The following OSBP2 variants were observed in gnomAD, a reference collection of about 807,000 sequenced individuals.
OSBP2 encodes oxysterol-binding protein 2.
A neutral mutation model predicts 96.0 loss-of-function variants in OSBP2; 66 were observed. The observed-to-expected ratio is 0.69, with a 90% CI of 0.56 to 0.84. OSBP2 has a LOEUF of 0.84. OSBP2 is among the 40% of genes least tolerant of loss of function. OSBP2 has a pLI of 0.00. For missense variants in OSBP2, 1,038 were observed against 1,222.7 expected (o/e 0.85, Z 2.25); for synonymous variants, 525 against 520.9 (o/e 1.01, Z -0.11).
At chr22:30,851,149 C>T (rs867764951) in intron 2 of OSBP2, among the ~76,000 whole-genome samples, 2 of 152,112 alleles carry the variant, frequency 1.3e-5, no homozygotes, top group South Asian at 2.1e-4. Flanking sequence ...GCAACTTCCT[C>T]CTCCCAGGTT....
chr22:30,753,726 TC>T (rs755011717), intron 2 of OSBP2, among the ~76,000 whole-genome samples: 1 of 152,174 alleles, frequency 6.6e-6, no homozygotes, highest in African/African-American at 2.4e-5. Flanking sequence ...GTTATTTGGC[TC>T]CCTCTGAAAA....
At chr22:30,823,882 T>C (rs136223) in intron 2 of OSBP2, among the ~76,000 whole-genome samples, 100,573 of 152,224 alleles carry the variant, frequency 0.66, 35,058 homozygotes, top group African/African-American at 0.9. Flanking sequence ...ATTTCTAAAG[T>C]AGTTATGTTC....
chr22:30,847,454 G>A (rs1218247803), intron 2 of OSBP2, among the ~76,000 whole-genome samples: 1 of 151,786 alleles, frequency 6.6e-6, no homozygotes, highest in Non-Finnish European at 1.5e-5. Flanking sequence ...GCTAATTTTT[G>A]TATTTTTTGT....
intron 1 of OSBP2, among the ~76,000 whole-genome samples, chr22:30,735,847 C>T (rs5997750): frequency 0.038 from 5,765 of 152,010 alleles, 181 homozygotes; most frequent in African/African-American, 0.081. Flanking sequence ...CTCAGCCTCC[C>T]GAGTAGCTGG....
intron 2 of OSBP2, among the ~76,000 whole-genome samples, chr22:30,840,639 G>A (rs1208952148): frequency 6.6e-6 from 1 of 152,204 alleles, no homozygotes; most frequent in Non-Finnish European, 1.5e-5. Context: ...AATAAGGCAA[G>A]AAGTGAAAGA....
At chr22:30,901,548 A>ATT (rs938708067) in intron 12 of OSBP2, among the ~76,000 whole-genome samples, 1 of 152,128 alleles carries the variant, frequency 6.6e-6, no homozygotes, top group Non-Finnish European at 1.5e-5. Context: ...AAAGTTGTAA[A>ATT]TTGGTACAAC....
intron 2 of OSBP2, among the ~76,000 whole-genome samples, chr22:30,795,669 G>A (rs530006575): frequency 8.3e-4 from 126 of 151,926 alleles, no homozygotes; most frequent in Non-Finnish European, 9.4e-4. Flanking sequence ...ACAGGCATGC[G>A]CCACCACGCC....
chr22:30,730,797 TA>T (rs1402719487), intron 1 of OSBP2, among the ~76,000 whole-genome samples: 1,273 of 56,014 alleles, frequency 0.023, 162 homozygotes, highest in South Asian at 0.044. Context: ...TATATATATA[TA>T]TATATATATA....
chr22:30,902,648 A>C, intron 12 of OSBP2: 1 of 609,730 alleles, frequency 1.6e-6, no homozygotes, highest in Non-Finnish European at 3.1e-6. Flanking sequence ...AGAGGAGGGA[A>C]GAGCACAAAG....
At chr22:30,719,683 G>T (rs1218402971) in intron 1 of OSBP2, among the ~76,000 whole-genome samples, 4 of 151,560 alleles carry the variant, frequency 2.6e-5, no homozygotes, top group Non-Finnish European at 5.9e-5. Context: ...GAACCAAGGA[G>T]GCAGAGGTTG....
At position 30,889,214 on chromosome 22, in the gene OSBP2, G is replaced by T. The variant is rs1033853388; in HGVS notation, c.1456G>T (p.Asp486Tyr). Reference sequence around the variant, plus strand: ...AGGTAGCACCGGGACAAGTTCCGTGGACTGGAGCTCAGCAGACAATGTAAG... The same window carrying T: ...AGGTAGCACCGGGACAAGTTCCGTGTACTGGAGCTCAGCAGACAATGTAAG... ...AEGSTGTSSVDWSSADNVLDG... is the reference protein window; with the variant it reads ...AEGSTGTSSVYWSSADNVLDG... The change falls in exon 6 of 14, where the codon GAC becomes TAC. Residue 486 changes from aspartate (D) to tyrosine (Y), a missense_variant. Around this residue, in one of 3 missense-constraint regions of OSBP2, gnomAD observed 737 missense variants for 913.3 expected, o/e 0.81. Transcript: ENST00000332585. The T allele has an allele frequency of 3.1e-6, 5 of 1,613,504 alleles. No homozygotes were observed. Among genetic ancestry groups the T allele is most frequent in the Admixed American group, 1.7e-5 (1 of 59,978 alleles).
rs2039916906 is a variant in OSBP2 at position 30,890,339 on chromosome 22, A to G, written c.1624-389A>G. Among the ~76,000 whole-genome samples the G allele has an allele frequency of 1.3e-5, 2 of 151,806 alleles. No individual in the cohort carries two copies. The highest frequency in any genetic ancestry group is 4.8e-5 in the African/African-American group (2 of 41,298). ...GCCGGGCCCCATCACAGCTCGCAAC[A>G]TGGGGAAGACCCACTTCCTCCACCC... On this transcript the variant is annotated intron_variant, in intron 7 of 13. Coordinates refer to ENST00000332585, the MANE Select transcript of OSBP2 (RefSeq NM_030758.4). This position sits in a 1 kb window ranked among gnomAD's most constrained non-coding sequence, Gnocchi z 4.4.
chr22:30,889,217 T>C lies in OSBP2; in HGVS notation c.1459T>C (p.Trp487Arg), dbSNP rs760647066. Residue 487 changes from tryptophan to arginine, a missense_variant, in exon 6 of 14, where the codon TGG becomes CGG. Around this residue, in one of 3 missense-constraint regions of OSBP2, gnomAD observed 737 missense variants for 913.3 expected, o/e 0.81. Transcript: ENST00000332585. Reference protein sequence around the residue: ...EGSTGTSSVDWSSADNVLDGA... With the variant: ...EGSTGTSSVDRSSADNVLDGA... ...TAGCACCGGGACAAGTTCCGTGGAC[T>C]GGAGCTCAGCAGACAATGTAAGTGA... 6.2e-6 allele frequency: 10 copies of C among 1,612,736 alleles called. No homozygotes were observed. The highest frequency in any genetic ancestry group is 4.2e-6 in the Non-Finnish European group (5 of 1,179,750).
chr22:30,781,181 C>T (rs1457692918), intron 2 of OSBP2, among the ~76,000 whole-genome samples: 1 of 149,966 alleles, frequency 6.7e-6, no homozygotes, highest in South Asian at 2.1e-4. Context: ...GGGGTTTCAC[C>T]ATGTTGTGCA....
chr22:30,803,969 G>T (rs1427779969), intron 2 of OSBP2, among the ~76,000 whole-genome samples: 1 of 152,194 alleles, frequency 6.6e-6, no homozygotes, highest in Non-Finnish European at 1.5e-5. Flanking sequence ...GGAGCTCTGG[G>T]CTTCCTCAGC....
intron 2 of OSBP2, among the ~76,000 whole-genome samples, chr22:30,772,120 G>A (rs1006635740): frequency 6.6e-6 from 1 of 152,194 alleles, no homozygotes; most frequent in African/African-American, 2.4e-5. Flanking sequence ...TGACCTTGCA[G>A]GCTGGAGTTG....
chr22:30,865,331 C>G (rs1012890316), intron 2 of OSBP2, among the ~76,000 whole-genome samples: 4 of 152,090 alleles, frequency 2.6e-5, no homozygotes, highest in East Asian at 3.9e-4. Flanking sequence ...GAAGTAAACT[C>G]AAGACAGTTA....
chr22:30,822,721 C>T lies in OSBP2; in HGVS notation c.854-47708C>T, dbSNP rs560290194. ...TAAATTTAAGAAGGGTTAGTGCTTG[C>T]CGGGCTTCCACCCGGAGGGAGGCCA... is the stretch of plus-strand genomic sequence containing the variant. On this transcript the variant is annotated intron_variant, in intron 2 of 13. Transcript: ENST00000332585. The T allele has an allele frequency of 3.1e-3, 4,653 of 1,519,190 alleles. 17 individuals are homozygous for T. Among genetic ancestry groups the T allele is most frequent in the Non-Finnish European group, 3.9e-3 (4,374 of 1,136,100 alleles). The allele number at this position is 1,519,190 out of a possible 1,614,324, so 94.1% of individuals were successfully genotyped here. A position where few individuals can be genotyped will look rare whatever the true frequency, so the allele number is the denominator to read the frequency against.
intron 2 of OSBP2, among the ~76,000 whole-genome samples, chr22:30,859,806 A>G (rs1301627001): frequency 6.6e-6 from 1 of 152,266 alleles, no homozygotes; most frequent in Non-Finnish European, 1.5e-5. Flanking sequence ...AATGTGGAAC[A>G]AAGGAAAGTT....
Sources: gnomAD v4.1 joint callset for allele counts (sites outside exome capture counted in the v4.1 genomes callset) on GRCh38, gnomAD v4.1.1 for gene constraint, gnomAD v4.1.1 regional missense constraint, Gnocchi (gnomAD v3.1) non-coding constraint, MANE v1.5 for transcripts, NCBI Gene and HGNC (gene_info 2026-07-23, HGNC 2026-07-21) for gene names.